Variants in NDUFS4 observed in about 807,000 individuals in gnomAD.
NDUFS4 encodes the protein NADH dehydrogenase [ubiquinone] iron-sulfur protein 4, mitochondrial.
Under a neutral mutation model 24.3 loss-of-function variants are expected in NDUFS4, and 28 were observed. The observed-to-expected ratio is 1.15, with a 90% CI of 0.85 to 1.58. The LOEUF is 1.58. Among genes scored for constraint, NDUFS4 ranks in the 40% most tolerant of loss-of-function variants. The probability of loss-of-function intolerance (pLI) is 0.00; values close to 1 mark genes in which losing one functional copy is unlikely to be tolerated. For missense variants in NDUFS4, 223 were observed against 207.9 expected, an observed-to-expected ratio of 1.07 and a Z score of -0.45; for synonymous variants, 93 against 69.7, an observed-to-expected ratio of 1.34 and a Z score of -1.67.
chr5:53,654,819 A>T (rs1392889554), intron 3 of NDUFS4, among the ~76,000 whole-genome samples: 1 of 152,192 alleles, frequency 6.6e-6, no homozygotes, highest in Non-Finnish European at 1.5e-5. Context: ...AGTCAGTTAT[A>T]ATGCTAATTT....
chr5:53,568,381 A>AT (rs1561331551), intron 1 of NDUFS4, among the ~76,000 whole-genome samples: 2 of 152,132 alleles, frequency 1.3e-5, no homozygotes, highest in Admixed American at 1.3e-4. Context: ...CTGAAAACGG[A>AT]TTAAAAAAAA....
chr5:53,625,242 A>G (rs1000839279), intron 2 of NDUFS4, among the ~76,000 whole-genome samples: 4 of 151,938 alleles, frequency 2.6e-5, no homozygotes, highest in African/African-American at 7.3e-5. Flanking sequence ...GTTTTCTTTT[A>G]TCATCATTAC....
chr5:53,644,015 T>C (rs1751774259), intron 2 of NDUFS4, among the ~76,000 whole-genome samples: 1 of 152,190 alleles, frequency 6.6e-6, no homozygotes, highest in Non-Finnish European at 1.5e-5. Context: ...TAGACACTTT[T>C]TAAAAAAGGT....
intron 2 of NDUFS4, among the ~76,000 whole-genome samples, chr5:53,627,467 T>C (rs1751265626): frequency 6.6e-6 from 1 of 152,206 alleles, no homozygotes; most frequent in South Asian, 2.1e-4. Context: ...TAAATTACTT[T>C]GGGCAGTATG....
intron 2 of NDUFS4, among the ~76,000 whole-genome samples, chr5:53,611,067 C>T (rs570204372): frequency 6.6e-6 from 1 of 152,102 alleles, no homozygotes; most frequent in South Asian, 2.1e-4. Context: ...ACTCATAGGA[C>T]ATCTTACCCA....
chr5:53,665,605 G>A (rs1752489207), intron 4 of NDUFS4, among the ~76,000 whole-genome samples: 1 of 152,222 alleles, frequency 6.6e-6, no homozygotes, highest in Non-Finnish European at 1.5e-5. Context: ...GAGGCTTTGT[G>A]GGCATAGGAC....
At chr5:53,644,764 T>C (rs1751808809) in intron 2 of NDUFS4, among the ~76,000 whole-genome samples, 2 of 152,132 alleles carry the variant, frequency 1.3e-5, no homozygotes, top group South Asian at 4.1e-4. Context: ...AATATTTATA[T>C]GGATAATTTT....
chr5:53,672,873 T>C lies in NDUFS4; in HGVS notation c.425-10245T>C, dbSNP rs185222747. On this transcript the variant is annotated intron_variant, in intron 4 of 4. Transcript: ENST00000296684. ...ATCTAGTAAAAAGATTCAGTAAGTC[T>C]GGAGTATGGCCTAAATATCGGTATA... Among the ~76,000 whole-genome samples the C allele has an allele frequency of 2.6e-5, 4 of 152,234 alleles. No homozygotes were observed. In the East Asian group the frequency reaches 7.7e-4, roughly 29 times the overall value.
chr5:53,571,296 A>G (rs1176305437), intron 1 of NDUFS4, among the ~76,000 whole-genome samples: 4 of 152,180 alleles, frequency 2.6e-5, no homozygotes, highest in Admixed American at 2.6e-4. Flanking sequence ...CATATAATAT[A>G]TGGTCTTTTG....
At chr5:53,616,232 C>G (rs941417433) in intron 2 of NDUFS4, among the ~76,000 whole-genome samples, 1 of 148,486 alleles carries the variant, frequency 6.7e-6, no homozygotes, top group African/African-American at 2.5e-5. Context: ...TTTTTTTTAG[C>G]ATATTCTAGG....
At chr5:53,652,938 C>CT (rs576656800) in intron 3 of NDUFS4, among the ~76,000 whole-genome samples, 7,859 of 144,590 alleles carry the variant, frequency 0.054, 578 homozygotes, top group African/African-American at 0.17. Flanking sequence ...TTATTAATCT[C>CT]TTTTTTTTTT....
chr5:53,614,826 A>G (rs1245515967), intron 2 of NDUFS4, among the ~76,000 whole-genome samples: 2 of 152,028 alleles, frequency 1.3e-5, no homozygotes, highest in Non-Finnish European at 2.9e-5. Flanking sequence ...GTTATTATGT[A>G]GGAAACTTTG....
chr5:53,667,439 T>A (rs1752550944), intron 4 of NDUFS4, among the ~76,000 whole-genome samples: 1 of 147,740 alleles, frequency 6.8e-6, no homozygotes, highest in Non-Finnish European at 1.5e-5. Flanking sequence ...CACTCCAGCC[T>A]GGGCAACAAG....
intron 4 of NDUFS4, among the ~76,000 whole-genome samples, chr5:53,675,126 T>G (rs1740418305): frequency 6.6e-6 from 1 of 151,654 alleles, no homozygotes; most frequent in African/African-American, 2.4e-5. Flanking sequence ...AATCACTTAC[T>G]TTTCTCTATA....
At chr5:53,628,653 G>A (rs1007519951) in intron 2 of NDUFS4, among the ~76,000 whole-genome samples, 1 of 152,096 alleles carries the variant, frequency 6.6e-6, no homozygotes, top group Non-Finnish European at 1.5e-5. Flanking sequence ...AGATTTTCTA[G>A]TTTATTTGCA....
chr5:53,562,543 G>A (rs1002477633), intron 1 of NDUFS4, among the ~76,000 whole-genome samples: 1 of 152,030 alleles, frequency 6.6e-6, no homozygotes, highest in African/African-American at 2.4e-5. Flanking sequence ...AAATGTAAGA[G>A]ATTTGAAAAT....
intron 1 of NDUFS4, among the ~76,000 whole-genome samples, chr5:53,581,694 G>A (rs1295472248): frequency 6.6e-6 from 1 of 151,972 alleles, no homozygotes; most frequent in African/African-American, 2.4e-5. Flanking sequence ...TTTTCTTTGA[G>A]GAGCATTATC....
chr5:53,679,728 GCTTTCTCATTTCTT>G (rs1740595407), intron 4 of NDUFS4, among the ~76,000 whole-genome samples: 1 of 152,128 alleles, frequency 6.6e-6, no homozygotes. Flanking sequence ...ATATTTGAGT[GCTTTCTCATTTCTT>G]CTGCAGTTTC....
chr5:53,652,842 T>C (rs1752056105), intron 3 of NDUFS4, among the ~76,000 whole-genome samples: 1 of 152,172 alleles, frequency 6.6e-6, no homozygotes, highest in South Asian at 2.1e-4. Flanking sequence ...GTTTTTACTT[T>C]TTAAATCTCC....
Sources: gnomAD v4.1 joint callset for allele counts (sites outside exome capture counted in the v4.1 genomes callset) on GRCh38, gnomAD v4.1.1 for gene constraint, MANE v1.5 for transcripts, NCBI Gene and HGNC (gene_info 2026-07-23, HGNC 2026-07-21) for gene names.